SLC9A3: variants seen among roughly 807,000 people sequenced by gnomAD.
SLC9A3 encodes sodium/hydrogen exchanger 3.
SLC9A3 carries 37 observed loss-of-function variants against 86.8 expected under a neutral mutation model. That is an observed-to-expected ratio of 0.43 (90% CI 0.33 to 0.56). SLC9A3 has a LOEUF of 0.56. SLC9A3 is among the 20% of genes least tolerant of loss of function. The pLI, the probability that SLC9A3 is intolerant of heterozygous loss-of-function variation, is 0.06. For missense variants in SLC9A3, 1,011 were observed against 1,171.9 expected (o/e 0.86, Z 2.00); for synonymous variants, 581 against 528.3 (o/e 1.10, Z -1.37).
rs765651900 is a variant in SLC9A3, at chr5:476,001, T to C, written c.2140+19A>G. 3 of 1,596,114 alleles carry C rather than the reference T, an allele frequency of 1.9e-6. No homozygotes were observed. The highest frequency in any genetic ancestry group is 2.6e-6 in the Non-Finnish European group (3 of 1,170,404). ...TGGTGGCTCCCAGTCCCAGCGTTCCTGCAGGGCCCCCAGCGCACCTTTCTC... is the reference window on the plus strand; with the variant it reads ...TGGTGGCTCCCAGTCCCAGCGTTCCCGCAGGGCCCCCAGCGCACCTTTCTC... On this transcript the variant is annotated intron_variant, in intron 14 of 16. Coordinates refer to ENST00000264938, the MANE Select transcript of SLC9A3 (RefSeq NM_004174.4).
At chr5:504,935 A>G (rs1190852741) in intron 1 of SLC9A3, among the ~76,000 whole-genome samples, 1 of 152,034 alleles carries the variant, frequency 6.6e-6, no homozygotes, top group Admixed American at 6.5e-5. Flanking sequence ...AGACGCCTGC[A>G]GGGCACAGTG....
Position 472,625 on chromosome 5 carries a change from A to G in SLC9A3, c.*754T>C, listed in dbSNP as rs994594570. On this transcript the variant is annotated 3_prime_UTR_variant, in exon 17 of 17. Coordinates refer to ENST00000264938, the MANE Select transcript of SLC9A3 (RefSeq NM_004174.4). ...GGGAAACGGGGCAGGTACTGGCTTT[A>G]GGAGTCTAAATCCCCAAACGCTGAG... 2.2e-6 allele frequency: 1 copy of G among 445,008 alleles called. No homozygotes were observed. The highest frequency in any genetic ancestry group is 2.6e-5 in the Admixed American group (1 of 38,832). The allele number at this position is 445,008 out of a possible 1,614,324, so 27.6% of individuals were successfully genotyped here. A position where few individuals can be genotyped will look rare whatever the true frequency, so the allele number is the denominator to read the frequency against.
rs1025692118 is a variant in SLC9A3, at chr5:496,210, C to A, written c.212-4139G>T. On this transcript the variant is annotated intron_variant, in intron 1 of 16. Transcript: ENST00000264938. The surrounding 1 kb of genome is among the most constrained non-coding windows in gnomAD (Gnocchi z 4.7). ...GGGGTTGGAAAGGGTGTTGGACACG[C>A]CTTTCCCATGTGCGGTGGCGTCCGA... 3.3e-5 allele frequency among the ~76,000 whole-genome samples: 5 copies of A among 152,296 alleles called. No homozygotes were observed. Among genetic ancestry groups the A allele is most frequent in the African/African-American group, 1.2e-4 (5 of 41,596 alleles).
chr5:473,298 T>A lies in SLC9A3; in HGVS notation c.*81A>T, dbSNP rs1738502343. On this transcript the variant is annotated 3_prime_UTR_variant, in exon 17 of 17. Transcript: ENST00000264938. The stretch of plus-strand genomic sequence containing the variant: ...CTGTAGCCGCGCGGGGATCTGGGGT[T>A]TCTCTGGGACAGCGGCGGCGGCGGT... The A allele has an allele frequency of 1.5e-6, 2 of 1,332,364 alleles. No individual in the cohort carries two copies. Among genetic ancestry groups the A allele is most frequent in the Non-Finnish European group, 1.9e-6 (2 of 1,036,278 alleles). The allele number at this position is 1,332,364 out of a possible 1,614,324, so 82.5% of individuals were successfully genotyped here.
chr5:483,602 G>A (rs985200401), intron 5 of SLC9A3, 120 bp from the exon 6 acceptor site: 21 of 739,692 alleles, frequency 2.8e-5, no homozygotes, highest in African/African-American at 1.4e-4. Context: ...GTGTGGTTAC[G>A]GGGGCCTCTT....
At position 481,550 on chromosome 5, in the gene SLC9A3, G is replaced by A. The variant is rs562113904; in HGVS notation, c.1517+15C>T. ...CGGGCTGTGCGACACCGCCGGGGCC[G>A]TCCCAGCCACTTACTTGTCTCTGAG... On this transcript the variant is annotated intron_variant, in intron 9 of 16. Transcript: ENST00000264938. 2.5e-4 allele frequency: 407 copies of A among 1,608,366 alleles called. No individual in the cohort carries two copies. Among genetic ancestry groups the A allele is most frequent in the Middle Eastern group, 1.8e-3 (11 of 6,052 alleles).
At position 475,960 on chromosome 5, in the gene SLC9A3, G is replaced by A. The variant is rs558844473; in HGVS notation, c.2140+60C>T. Reference sequence around the variant, plus strand: ...AGAGGGGAGGTTCCCGAGCCGGGAGGGCTGGGGCTGGGAGGTGGTGGCTCC... The same window carrying A: ...AGAGGGGAGGTTCCCGAGCCGGGAGAGCTGGGGCTGGGAGGTGGTGGCTCC... On this transcript the variant is annotated intron_variant, in intron 14 of 16. Coordinates refer to ENST00000264938, the MANE Select transcript of SLC9A3 (RefSeq NM_004174.4). The A allele has an allele frequency of 1.1e-4, 162 of 1,411,950 alleles. No homozygotes were observed. In the African/African-American group the frequency reaches 1.7e-3, roughly 15 times the overall value. 87.5% of individuals were successfully genotyped at this position (1,411,950 alleles called of 1,614,324 possible).
Position 481,653 on chromosome 5 carries a change from A to T in SLC9A3, c.1447-18T>A. 1 of 1,611,094 alleles carries T rather than the reference A, an allele frequency of 6.2e-7. No individual in the cohort carries two copies. The highest frequency in any genetic ancestry group is 8.5e-7 in the Non-Finnish European group (1 of 1,177,358). On this transcript the variant is annotated intron_variant, in intron 8 of 16. Coordinates refer to ENST00000264938, the MANE Select transcript of SLC9A3 (RefSeq NM_004174.4). Reference sequence around the variant, plus strand: ...TCGAAAGCCTTTCAAGGGAAGAAAGACATGAGCGTCTCGGGGCGGCCAACC... The same window carrying T: ...TCGAAAGCCTTTCAAGGGAAGAAAGTCATGAGCGTCTCGGGGCGGCCAACC...
chr5:478,166 A>C (rs1159815107), intron 10 of SLC9A3: 1 of 152,168 alleles, frequency 6.6e-6, no homozygotes, highest in Non-Finnish European at 1.5e-5. Context: ...CGCTGTTCCC[A>C]CTGAAGATGC....
At chr5:473,867 G>A (rs900082646) in intron 16 of SLC9A3, among the ~76,000 whole-genome samples, 2 of 152,236 alleles carry the variant, frequency 1.3e-5, no homozygotes, top group African/African-American at 2.4e-5. Flanking sequence ...GAGGGTCGGG[G>A]ACCCGGGGCG....
intron 1 of SLC9A3, 116 bp downstream of exon 1, chr5:523,996 C>A: frequency 1.7e-6 from 1 of 580,168 alleles, no homozygotes; most frequent in East Asian, 3.5e-5. Context: ...CCGGACTCTC[C>A]CGGGCGGCCG....
intron 2 of SLC9A3, among the ~76,000 whole-genome samples, chr5:490,628 T>C (rs1265365245): frequency 2.0e-5 from 3 of 151,884 alleles, no homozygotes; most frequent in African/African-American, 7.3e-5. Flanking sequence ...GAAGCTGGGA[T>C]CTCATGGGCG....
At position 488,449 on chromosome 5, in the gene SLC9A3, A is replaced by G; in HGVS notation, c.542T>C (p.Phe181Ser). 1 of 1,588,460 alleles carries G rather than the reference A, an allele frequency of 6.3e-7. No individual in the cohort carries two copies. Residue 181 changes from phenylalanine (F) to serine (S), a missense_variant, in exon 3 of 17, where the codon TTC becomes TCC. Transcript: ENST00000264938. ...CGCCATGAGGCTGCCAAACAGGAGG[A>G]AGTCCAGCAGCCCAATCTGCAGGTC... ...MGDLQIGLLDFLLFGSLMAAV... is the reference protein window; with the variant it reads ...MGDLQIGLLDSLLFGSLMAAV...
intron 1 of SLC9A3, among the ~76,000 whole-genome samples, chr5:492,998 C>A (rs1344786128): frequency 6.6e-6 from 1 of 152,230 alleles, no homozygotes; most frequent in African/African-American, 2.4e-5. Context: ...TGGAGCTTCA[C>A]CCCGTCCCCC....
intron 1 of SLC9A3, among the ~76,000 whole-genome samples, chr5:513,423 C>G (rs1733632763): frequency 6.6e-6 from 1 of 152,208 alleles, no homozygotes; most frequent in African/African-American, 2.4e-5. Flanking sequence ...CCCCCACCCC[C>G]TGCTCTAACA....
At chr5:517,607 C>T (rs947327426) in intron 1 of SLC9A3, among the ~76,000 whole-genome samples, 2 of 151,922 alleles carry the variant, frequency 1.3e-5, no homozygotes, top group Non-Finnish European at 2.9e-5. Flanking sequence ...CTCACTCACC[C>T]ATCTATCAAT....
At chr5:490,770 C>A (rs993615386) in intron 2 of SLC9A3, among the ~76,000 whole-genome samples, 1 of 152,222 alleles carries the variant, frequency 6.6e-6, no homozygotes, top group Non-Finnish European at 1.5e-5. Flanking sequence ...GTCCTGACCA[C>A]CTATGGCATC....
At chr5:506,902 A>C (rs1329318503) in intron 1 of SLC9A3, among the ~76,000 whole-genome samples, 1 of 134,244 alleles carries the variant, frequency 7.4e-6, no homozygotes, top group Admixed American at 7.6e-5. Flanking sequence ...AAAACAAAAA[A>C]AAAATACAAA....
intron 2 of SLC9A3, among the ~76,000 whole-genome samples, chr5:489,960 C>T (rs1269895403): frequency 6.6e-6 from 1 of 152,244 alleles, no homozygotes; most frequent in African/African-American, 2.4e-5. Flanking sequence ...AGGGCCTGTC[C>T]CCACACTGCC....
Sources: gnomAD v4.1 joint callset for allele counts (sites outside exome capture counted in the v4.1 genomes callset) on GRCh38, gnomAD v4.1.1 for gene constraint, Gnocchi (gnomAD v3.1) non-coding constraint, MANE v1.5 for transcripts, NCBI Gene and HGNC (gene_info 2026-07-23, HGNC 2026-07-21) for gene names.